The following ARHGAP12 variants were observed in gnomAD, a reference collection of about 807,000 sequenced individuals.
The protein encoded by ARHGAP12 is rho GTPase-activating protein 12.
Under a neutral mutation model 108.6 loss-of-function variants are expected in ARHGAP12, and 64 were observed. The ratio of observed to expected loss-of-function variants is 0.59; its 90% CI spans 0.48 to 0.73. The LOEUF is 0.73. ARHGAP12 is among the 30% of genes least tolerant of loss of function. The pLI, the probability that ARHGAP12 is intolerant of heterozygous loss-of-function variation, is 0.00. For missense variants in ARHGAP12, 940 were observed against 1,005.9 expected (o/e 0.93, Z 0.89); for synonymous variants, 312 against 337.2 (o/e 0.93, Z 0.82).
At chr10:31,823,670 T>C (rs1592255638) in intron 11 of ARHGAP12, among the ~76,000 whole-genome samples, 1 of 152,158 alleles carries the variant, frequency 6.6e-6, no homozygotes, top group Non-Finnish European at 1.5e-5. Context: ...AAGAACTATA[T>C]AGATTTCTCC....
At chr10:31,851,856 T>C (rs1318481843) in intron 6 of ARHGAP12, among the ~76,000 whole-genome samples, 1 of 152,194 alleles carries the variant, frequency 6.6e-6, no homozygotes, top group Non-Finnish European at 1.5e-5. Context: ...CACCACATAT[T>C]TGTCCACTAA....
intron 1 of ARHGAP12, among the ~76,000 whole-genome samples, chr10:31,917,074 C>A (rs1372334053): frequency 1.3e-5 from 2 of 152,078 alleles, no homozygotes; most frequent in East Asian, 3.9e-4. Context: ...CTGAACTTCG[C>A]ATCAAATCCT....
chr10:31,860,855 G>C (rs565600560), intron 4 of ARHGAP12, among the ~76,000 whole-genome samples: 1 of 152,230 alleles, frequency 6.6e-6, no homozygotes, highest in African/African-American at 2.4e-5. Flanking sequence ...CTGAGACAGG[G>C]GGACTGCTTG....
Position 31,888,181 on chromosome 10 carries a change from G to C in ARHGAP12, c.684+19991C>G, listed in dbSNP as rs190791330. Among the ~76,000 whole-genome samples the C allele has an allele frequency of 3.0e-3, 451 of 152,236 alleles. 12 individuals are homozygous for C. The highest frequency in any genetic ancestry group is 0.023 in the Admixed American group (352 of 15,292). Reference sequence around the variant, plus strand: ...GAAAAAGAGGATATGACAGACAACTGCTATTTTGTCTGCCTGGCACCTCTC... The same window carrying C: ...GAAAAAGAGGATATGACAGACAACTCCTATTTTGTCTGCCTGGCACCTCTC... On this transcript the variant is annotated intron_variant, in intron 3 of 19. Coordinates refer to ENST00000344936, the MANE Select transcript of ARHGAP12 (RefSeq NM_018287.7).
intron 11 of ARHGAP12, among the ~76,000 whole-genome samples, chr10:31,823,683 T>C (rs917807299): frequency 6.6e-6 from 1 of 152,156 alleles, no homozygotes; most frequent in Non-Finnish European, 1.5e-5. Flanking sequence ...ATTTCTCCTA[T>C]AATGTGGCCC....
chr10:31,879,700 T>C (rs1837863358), intron 3 of ARHGAP12, among the ~76,000 whole-genome samples: 2 of 152,158 alleles, frequency 1.3e-5, no homozygotes, highest in Admixed American at 6.5e-5. Flanking sequence ...TTGGCTCTAG[T>C]ATTTTAAAAA....
intron 7 of ARHGAP12, among the ~76,000 whole-genome samples, chr10:31,841,613 C>T (rs1421842093): frequency 1.3e-5 from 2 of 152,136 alleles, no homozygotes; most frequent in Admixed American, 1.3e-4. Flanking sequence ...TTTTGCCCCA[C>T]TGTAGGTTAA....
chr10:31,919,506 T>C (rs1254764014), intron 1 of ARHGAP12, among the ~76,000 whole-genome samples: 1 of 152,132 alleles, frequency 6.6e-6, no homozygotes, highest in Non-Finnish European at 1.5e-5. Context: ...TAAAAGTAGA[T>C]ATAGGGCCAG....
intron 3 of ARHGAP12, among the ~76,000 whole-genome samples, chr10:31,883,867 A>G (rs1173416727): frequency 2.6e-5 from 4 of 151,998 alleles, no homozygotes; most frequent in Non-Finnish European, 4.4e-5. Flanking sequence ...ACAAGCCCCA[A>G]TGCCCAGCTA....
chr10:31,909,821 A>T (rs914392101), intron 2 of ARHGAP12, among the ~76,000 whole-genome samples: 1 of 152,170 alleles, frequency 6.6e-6, no homozygotes, highest in Non-Finnish European at 1.5e-5. Flanking sequence ...TCTTGAGCCC[A>T]GGAGGCTGAA....
chr10:31,908,958 G>T, intron 2 of ARHGAP12, 32 bp from the exon 3 acceptor site: 1 of 1,165,434 alleles, frequency 8.6e-7, no homozygotes, highest in Non-Finnish European at 1.2e-6. Context: ...AGAGAATGAA[G>T]AAAAAAGTTA....
At position 31,888,753 on chromosome 10, in the gene ARHGAP12, A is replaced by G. The variant is rs147201133; in HGVS notation, c.684+19419T>C. On this transcript the variant is annotated intron_variant, in intron 3 of 19. Transcript: ENST00000344936. ...AAAAAAAGAGTAAATATAAAACATA[A>G]GATAAACTGCATCTAGGAATCATGA... Among the ~76,000 whole-genome samples the G allele has an allele frequency of 3.4e-3, 514 of 152,366 alleles. 5 individuals are homozygous for G. The highest frequency in any genetic ancestry group is 0.011 in the African/African-American group (475 of 41,586).
chr10:31,815,279 A>T (rs1035975425), intron 13 of ARHGAP12, among the ~76,000 whole-genome samples: 5 of 152,076 alleles, frequency 3.3e-5, no homozygotes, highest in Admixed American at 6.5e-5. Context: ...CCTGGAATTT[A>T]TTTTTGTGGA....
intron 9 of ARHGAP12, 145 bp downstream of exon 9, chr10:31,839,160 C>T: frequency 1.3e-6 from 1 of 759,714 alleles, no homozygotes; most frequent in Non-Finnish European, 2.1e-6. Flanking sequence ...TAACAGAAGT[C>T]ACATGGAGGT....
chr10:31,851,931 T>TCACTTAAAA (rs774563702), intron 6 of ARHGAP12, among the ~76,000 whole-genome samples: 16 of 152,188 alleles, frequency 1.1e-4, no homozygotes, highest in Non-Finnish European at 2.2e-4. Context: ...TGCTCATATA[T>TCACTTAAAA]CACTTAAAAT....
intron 3 of ARHGAP12, among the ~76,000 whole-genome samples, chr10:31,882,413 T>C (rs1407386220): frequency 6.6e-6 from 1 of 152,062 alleles, no homozygotes; most frequent in Non-Finnish European, 1.5e-5. Context: ...AAGTAAAAAA[T>C]CATGACTGAA....
At chr10:31,876,476 C>T (rs1048414946) in intron 3 of ARHGAP12, among the ~76,000 whole-genome samples, 7 of 151,482 alleles carry the variant, frequency 4.6e-5, no homozygotes, top group Admixed American at 2.6e-4. Flanking sequence ...CACCACTGCA[C>T]TCCAGGCTGA....
At chr10:31,862,526 T>G (rs1025792334) in intron 3 of ARHGAP12, among the ~76,000 whole-genome samples, 1 of 152,184 alleles carries the variant, frequency 6.6e-6, no homozygotes, top group Non-Finnish European at 1.5e-5. Context: ...CACCTGCTTA[T>G]GTTATGTATT....
intron 1 of ARHGAP12, among the ~76,000 whole-genome samples, chr10:31,919,060 A>G (rs1482654684): frequency 1.3e-5 from 2 of 152,252 alleles, no homozygotes; most frequent in Non-Finnish European, 2.9e-5. Flanking sequence ...AAGGAAGGAA[A>G]TTCTGACAGT....
Sources: gnomAD v4.1 joint callset for allele counts (sites outside exome capture counted in the v4.1 genomes callset) on GRCh38, gnomAD v4.1.1 for gene constraint, MANE v1.5 for transcripts, NCBI Gene and HGNC (gene_info 2026-07-23, HGNC 2026-07-21) for gene names.